The following PDE4D variants were observed in gnomAD, a reference collection of about 807,000 sequenced individuals.
The protein encoded by PDE4D is phosphodiesterase 4D, also known as 3',5'-cyclic-AMP phosphodiesterase 4D.
In PDE4D, 24 loss-of-function variants were observed where a neutral mutation model predicts 87.4. That is an observed-to-expected ratio of 0.27 (90% CI 0.20 to 0.39). PDE4D has a LOEUF of 0.39. Ranked by LOEUF, PDE4D falls within the 10% of genes least tolerant of loss-of-function variation. PDE4D has a pLI of 1.00. For missense variants in PDE4D, 714 were observed against 1,041.0 expected, an observed-to-expected ratio of 0.69 and a Z score of 4.32; for synonymous variants, 384 against 383.2, an observed-to-expected ratio of 1.00 and a Z score of -0.02.
chr5:59,115,041 C>G (rs187097552), intron 5 of PDE4D, among the ~76,000 whole-genome samples: 67 of 151,826 alleles, frequency 4.4e-4, no homozygotes, highest in African/African-American at 1.5e-3. Flanking sequence ...GGAGATGCAG[C>G]CATCAAAGAG....
At chr5:59,024,117 G>T in intron 6 of PDE4D, among the ~76,000 whole-genome samples, 1 of 148,666 alleles carries the variant, frequency 6.7e-6, no homozygotes. Context: ...GGCCAGGCTG[G>T]TCTCAAACTT....
chr5:59,507,903 T>C (rs1809574801), intron 1 of PDE4D, among the ~76,000 whole-genome samples: 1 of 152,126 alleles, frequency 6.6e-6, no homozygotes, highest in Admixed American at 6.5e-5. Context: ...GCTGCTTACA[T>C]GGGTATGTTA....
At chr5:59,570,986 ATAC>A (rs1349630156) in intron 1 of PDE4D, among the ~76,000 whole-genome samples, 2 of 152,234 alleles carry the variant, frequency 1.3e-5, no homozygotes, top group African/African-American at 4.8e-5. Context: ...TGTATTTTAC[ATAC>A]TAATTCATAC....
chr5:59,902,882 C>A (rs759330570), intron 3 of PDE4D, among the ~76,000 whole-genome samples: 1 of 152,032 alleles, frequency 6.6e-6, no homozygotes, highest in Admixed American at 6.6e-5. Flanking sequence ...ATTTGGGGAA[C>A]CTAAATAGAA....
intron 6 of PDE4D, among the ~76,000 whole-genome samples, chr5:59,014,189 C>A (rs2153368138): frequency 6.6e-6 from 1 of 152,258 alleles, no homozygotes; most frequent in South Asian, 2.1e-4. Flanking sequence ...CAGCCAATAT[C>A]ATACTGAATG....
At chr5:59,748,845 A>C (rs1012376747) in intron 1 of PDE4D, among the ~76,000 whole-genome samples, 1 of 152,218 alleles carries the variant, frequency 6.6e-6, no homozygotes, top group African/African-American at 2.4e-5. Context: ...TTGGAGAAGC[A>C]CAAACAGTGA....
chr5:60,491,453 A>G (rs1749527908), upstream of PDE4D: 1 of 152,182 alleles, frequency 6.6e-6, no homozygotes, highest in Admixed American at 6.5e-5. Context: ...GGCCATGAAT[A>G]TGAAATCATA....
chr5:60,425,221 G>T (rs1286907247), intron 1 of PDE4D, among the ~76,000 whole-genome samples: 1 of 152,132 alleles, frequency 6.6e-6, no homozygotes, highest in African/African-American at 2.4e-5. Flanking sequence ...AGCCCACGTT[G>T]CCAAGACAAT....
intron 1 of PDE4D, among the ~76,000 whole-genome samples, chr5:59,603,984 T>C (rs763556891): frequency 3.9e-5 from 6 of 152,000 alleles, no homozygotes; most frequent in Non-Finnish European, 7.4e-5. Flanking sequence ...AATGTATATA[T>C]ACTTCAAAAC....
At chr5:59,469,869 A>G (rs930146093) in intron 1 of PDE4D, among the ~76,000 whole-genome samples, 1 of 152,184 alleles carries the variant, frequency 6.6e-6, no homozygotes, top group African/African-American at 2.4e-5. Flanking sequence ...AGGCAGAAGC[A>G]CAAAAAGGCA....
chr5:59,833,955 A>T (rs927643843), intron 1 of PDE4D, among the ~76,000 whole-genome samples: 9 of 152,102 alleles, frequency 5.9e-5, no homozygotes, highest in African/African-American at 1.9e-4. Context: ...TATGTCAGTT[A>T]TTAACTGACA....
At chr5:59,722,095 CA>C (rs1298113010) in intron 1 of PDE4D, among the ~76,000 whole-genome samples, 1 of 152,150 alleles carries the variant, frequency 6.6e-6, no homozygotes, top group Non-Finnish European at 1.5e-5. Flanking sequence ...CTACTCAGAA[CA>C]ATTAAAAAGG....
chr5:60,455,497 C>T (rs1400761857), intron 1 of PDE4D, among the ~76,000 whole-genome samples: 1 of 152,060 alleles, frequency 6.6e-6, no homozygotes, highest in African/African-American at 2.4e-5. Flanking sequence ...AAAATAAGCC[C>T]ATGTAAAATT....
chr5:59,988,446 T>C, intron 3 of PDE4D: 2 of 1,299,582 alleles, frequency 1.5e-6, no homozygotes, highest in African/African-American at 1.5e-5. Context: ...ACAATCACCA[T>C]CTAAAATATA....
At chr5:59,400,426 C>T (rs1416282237) in intron 1 of PDE4D, among the ~76,000 whole-genome samples, 2 of 146,886 alleles carry the variant, frequency 1.4e-5, no homozygotes, top group Non-Finnish European at 3.0e-5. Context: ...AGTTCATGTC[C>T]TTTGTAGGGA....
chr5:60,161,331 A>G (rs1384890652), intron 2 of PDE4D, among the ~76,000 whole-genome samples: 1 of 152,172 alleles, frequency 6.6e-6, no homozygotes, highest in Non-Finnish European at 1.5e-5. Flanking sequence ...ATATTACATT[A>G]CATTAACTTT....
chr5:59,311,423 C>T (rs905232004), intron 1 of PDE4D, among the ~76,000 whole-genome samples: 14 of 140,706 alleles, frequency 9.9e-5, no homozygotes, highest in African/African-American at 3.6e-4. Context: ...ATCACTTGAA[C>T]CCAGGAAGTA....
chr5:60,027,060 T>C (rs966675871), intron 2 of PDE4D, among the ~76,000 whole-genome samples: 4 of 152,178 alleles, frequency 2.6e-5, no homozygotes, highest in African/African-American at 7.2e-5. Context: ...CGCCATTTTT[T>C]TCCTTCTCTC....
chr5:59,176,725 G>A (rs1438957352), intron 5 of PDE4D, among the ~76,000 whole-genome samples: 8 of 152,168 alleles, frequency 5.3e-5, no homozygotes, highest in Admixed American at 4.6e-4. Flanking sequence ...AAAAATTAGA[G>A]TTGGTTTACA....
Sources: gnomAD v4.1 joint callset for allele counts (sites outside exome capture counted in the v4.1 genomes callset) on GRCh38, gnomAD v4.1.1 for gene constraint, MANE v1.5 for transcripts, NCBI Gene and HGNC (gene_info 2026-07-23, HGNC 2026-07-21) for gene names.